The following DHRSX variants were observed in gnomAD, a reference collection of about 807,000 sequenced individuals.
DHRSX encodes the protein polyprenol dehydrogenase.
A neutral mutation model predicts 34.0 loss-of-function variants in DHRSX; 31 were observed. The observed-to-expected ratio is 0.91, with a 90% CI of 0.69 to 1.23. The LOEUF is 1.23. DHRSX is among the 50% of genes most tolerant of loss of function. The pLI is 0.00. For synonymous variants in DHRSX, 201 were observed against 183.8 expected (o/e 1.09, Z -0.76); for missense variants, 414 against 428.1 (o/e 0.97, Z 0.29).
intron 3 of DHRSX, among the ~76,000 whole-genome samples, chrX:2,371,231 T>TC (rs201016908): frequency 7.0e-6 from 1 of 142,902 alleles, no homozygotes; most frequent in South Asian, 2.2e-4. Context: ...CCGTAGTCCC[T>TC]CCCCATTACC....
intron 3 of DHRSX, among the ~76,000 whole-genome samples, chrX:2,403,075 G>A (rs1423949259): frequency 7.9e-5 from 12 of 151,942 alleles, no homozygotes; most frequent in Non-Finnish European, 1.8e-4. Flanking sequence ...TAGAGACGGG[G>A]TTTCACCATG....
intron 1 of DHRSX, chrX:2,490,249 G>A (rs2045097799): frequency 6.2e-7 from 1 of 1,613,900 alleles, no homozygotes. Flanking sequence ...CATACCGGGG[G>A]TCGGCCGTCT....
intron 3 of DHRSX, among the ~76,000 whole-genome samples, chrX:2,391,653 T>A (rs1042641672): frequency 2.6e-5 from 4 of 152,044 alleles, no homozygotes; most frequent in Non-Finnish European, 5.9e-5. Flanking sequence ...TTAAGTGAAA[T>A]TCAAGAGGAC....
intron 1 of DHRSX, among the ~76,000 whole-genome samples, chrX:2,472,429 G>A (rs1239016569): frequency 6.6e-6 from 1 of 152,004 alleles, no homozygotes; most frequent in Non-Finnish European, 1.5e-5. Flanking sequence ...AAACCCCCAG[G>A]ACATGCAATT....
intron 1 of DHRSX, among the ~76,000 whole-genome samples, chrX:2,455,119 A>T (rs932025443): frequency 2.0e-5 from 3 of 151,758 alleles, no homozygotes; most frequent in Admixed American, 2.0e-4. Context: ...TCTCAAAAAA[A>T]AAAAAACGGG....
At chrX:2,412,124 G>C (rs1245149916) in intron 2 of DHRSX, among the ~76,000 whole-genome samples, 2 of 152,212 alleles carry the variant, frequency 1.3e-5, no homozygotes, top group African/African-American at 4.8e-5. Context: ...TGCTGAGCAA[G>C]TACTGCATAT....
In DHRSX at chrX:2,309,649, C is replaced by T; in HGVS notation, c.287-18046G>A. Reference sequence around the variant, plus strand: ...CATCATGGCCAGGTGTGGTGGCTCACCCTGTCACTGTAGCATTTTGAGAGG... The same window carrying T: ...CATCATGGCCAGGTGTGGTGGCTCATCCTGTCACTGTAGCATTTTGAGAGG... On this transcript the variant is annotated intron_variant, in intron 3 of 6. Coordinates refer to ENST00000334651, the MANE Select transcript of DHRSX (RefSeq NM_145177.3). Among the ~76,000 whole-genome samples, 4 of 152,248 alleles carry T rather than the reference C, an allele frequency of 2.6e-5. No individual in the cohort carries two copies. In the Middle Eastern group the frequency reaches 0.014, roughly 518 times the overall value.
intron 2 of DHRSX, among the ~76,000 whole-genome samples, chrX:2,412,629 C>T (rs533398667): frequency 6.6e-6 from 1 of 151,684 alleles, no homozygotes; most frequent in African/African-American, 2.4e-5. Flanking sequence ...GAGATATCTA[C>T]ACCCCCATGT....
chrX:2,297,081 G>A (rs1226974645), intron 3 of DHRSX, among the ~76,000 whole-genome samples: 2 of 151,922 alleles, frequency 1.3e-5, no homozygotes, highest in African/African-American at 4.9e-5. Flanking sequence ...CATCATCTTG[G>A]GAATATGCAA....
chrX:2,439,237 T>G (rs2044034532), intron 1 of DHRSX, among the ~76,000 whole-genome samples: 1 of 150,828 alleles, frequency 6.6e-6, no homozygotes, highest in Non-Finnish European at 1.5e-5. Context: ...ATTTAAGAGG[T>G]CATTCATTTC....
At chrX:2,382,648 T>C (rs1289990807) in intron 3 of DHRSX, among the ~76,000 whole-genome samples, 48 of 81,978 alleles carry the variant, frequency 5.9e-4, no homozygotes, top group African/African-American at 1.8e-3. Context: ...ACCATCACCA[T>C]CATCACCACC....
rs560427893 is a variant in DHRSX at position 2,467,768 on chromosome X, G to A, written c.109+33049C>T. Among the ~76,000 whole-genome samples, 16 of 151,922 alleles carry A rather than the reference G, an allele frequency of 1.1e-4. No homozygotes were observed. In the East Asian group the frequency reaches 3.1e-3, roughly 29 times the overall value. On this transcript the variant is annotated intron_variant, in intron 1 of 6. Coordinates refer to ENST00000334651, the MANE Select transcript of DHRSX (RefSeq NM_145177.3). Reference sequence around the variant, plus strand: ...GGTGGATGGATCACCTGAGGTCAGGGGTTTGAGACCAGCCTGACCAACATG... The same window carrying A: ...GGTGGATGGATCACCTGAGGTCAGGAGTTTGAGACCAGCCTGACCAACATG...
At chrX:2,375,389 C>T (rs2043128844) in intron 3 of DHRSX, among the ~76,000 whole-genome samples, 2 of 138,138 alleles carry the variant, frequency 1.4e-5, no homozygotes, top group African/African-American at 2.5e-5. Flanking sequence ...AAAACTTAAA[C>T]CTTTTTCTTC....
chrX:2,332,831 G>A (rs147039330), intron 3 of DHRSX, among the ~76,000 whole-genome samples: 3,664 of 152,224 alleles, frequency 0.024, 122 homozygotes, highest in African/African-American at 0.073. Context: ...GAATGTGATC[G>A]ATCAAAAACT....
chrX:2,298,331 T>G (rs1389956603), intron 3 of DHRSX, among the ~76,000 whole-genome samples: 3 of 148,938 alleles, frequency 2.0e-5, no homozygotes, highest in African/African-American at 5.0e-5. Flanking sequence ...TTTTTTTTTT[T>G]GTTAGTTCAA....
chrX:2,261,679 G>A (rs2041365383), intron 5 of DHRSX: 1 of 152,000 alleles, frequency 6.6e-6, no homozygotes, highest in South Asian at 2.1e-4. Context: ...GTCGAGGCAA[G>A]AGAATTGCTT....
rs1556457297 is a variant in DHRSX at position 2,298,616 on chromosome X, A to ACACACACACG, written c.287-7014_287-7013insCGTGTGTGTG. 3.5e-4 allele frequency among the ~76,000 whole-genome samples: 48 copies of ACACACACACG among 138,322 alleles called. 1 individual carries two copies. Among genetic ancestry groups the ACACACACACG allele is most frequent in the South Asian group, 1.7e-3 (8 of 4,774 alleles). The allele number at this position is 138,322 out of a possible 152,430, so 90.7% of individuals were successfully genotyped here. A position where few individuals can be genotyped will look rare whatever the true frequency, so the allele number is the denominator to read the frequency against. On this transcript the variant is annotated intron_variant, in intron 3 of 6. Coordinates refer to ENST00000334651, the MANE Select transcript of DHRSX (RefSeq NM_145177.3). ...GGCGCGTGTGTACACACACACACAC[A>ACACACACACG]CACACACACACACACACACACGAGG... is the stretch of plus-strand genomic sequence containing the variant.
intron 1 of DHRSX, among the ~76,000 whole-genome samples, chrX:2,464,646 G>T (rs1044554927): frequency 4.0e-5 from 6 of 151,886 alleles, no homozygotes; most frequent in Non-Finnish European, 8.8e-5. Context: ...TGTGGCTAAG[G>T]GAAGGCAGCC....
Position 2,324,709 on chromosome X carries a change from A to G in DHRSX, c.287-33106T>C, listed in dbSNP as rs932025818. Among the ~76,000 whole-genome samples the G allele has an allele frequency of 1.8e-3, 272 of 151,218 alleles. 2 individuals are homozygous for G. Among genetic ancestry groups the G allele is most frequent in the Non-Finnish European group, 2.1e-3 (140 of 67,966 alleles). On this transcript the variant is annotated intron_variant, in intron 3 of 6. Transcript: ENST00000334651. ...GTCTGCCAGTGATACAGGAGTTAAG[A>G]AGAAATCACTTAGGCAGACAGTAAG...
Sources: gnomAD v4.1 joint callset for allele counts (sites outside exome capture counted in the v4.1 genomes callset) on GRCh38, gnomAD v4.1.1 for gene constraint, MANE v1.5 for transcripts, NCBI Gene and HGNC (gene_info 2026-07-23, HGNC 2026-07-21) for gene names.